The following EYS variants were observed in gnomAD, a reference collection of about 807,000 sequenced individuals.
The protein encoded by EYS is EGF-like photoreceptor maintenance factor.
In EYS, 250 loss-of-function variants were observed where a neutral mutation model predicts 282.1. The observed-to-expected ratio is 0.89, with a 90% CI of 0.80 to 0.98. The LOEUF (loss-of-function observed/expected upper bound fraction) is 0.98, where lower values mean the gene tolerates loss of function less well. Ranked by LOEUF, EYS falls within the 50% of genes least tolerant of loss-of-function variation. The pLI, the probability that EYS is intolerant of heterozygous loss-of-function variation, is 0.00. For synonymous variants in EYS, 1,355 were observed against 1,282.9 expected (o/e 1.06, Z -1.20); for missense variants, 4,016 against 3,709.0 (o/e 1.08, Z -2.15).
intron 31 of EYS, among the ~76,000 whole-genome samples, chr6:64,132,083 T>C (rs1002014528): frequency 1.1e-4 from 16 of 152,288 alleles, no homozygotes; most frequent in African/African-American, 3.8e-4. Context: ...TCATTATAGT[T>C]GTCTTTCTCT....
intron 5 of EYS, among the ~76,000 whole-genome samples, chr6:65,407,812 C>G (rs183128667): frequency 2.0e-5 from 3 of 147,220 alleles, no homozygotes; most frequent in African/African-American, 7.6e-5. Context: ...CCTGGAACTT[C>G]CTATGTTCCA....
In EYS at chr6:64,421,831, A is replaced by C. The variant is rs1240781160; in HGVS notation, c.5927+14343T>G. Among the ~76,000 whole-genome samples, 4 of 151,690 alleles carry C rather than the reference A, an allele frequency of 2.6e-5. No individual in the cohort carries two copies. In the South Asian group the frequency reaches 6.3e-4, roughly 24 times the overall value. ...GAGCGAAGAAGAGAGAGAGAGCGAG[A>C]GAGAGAGAGCGCATTTTTTTGTTTG... On this transcript the variant is annotated intron_variant, in intron 28 of 42. Coordinates refer to ENST00000503581, the MANE Select transcript of EYS (RefSeq NM_001142800.2).
chr6:64,012,886 T>C (rs1283155795), intron 33 of EYS, among the ~76,000 whole-genome samples: 1 of 152,190 alleles, frequency 6.6e-6, no homozygotes, highest in Non-Finnish European at 1.5e-5. Context: ...GCTTAGATCG[T>C]CACAGAGTTG....
At chr6:64,121,156 C>A (rs1773576258) in intron 31 of EYS, among the ~76,000 whole-genome samples, 1 of 152,126 alleles carries the variant, frequency 6.6e-6, no homozygotes, top group Non-Finnish European at 1.5e-5. Context: ...CCTTCTCCCT[C>A]CAGTCAACTA....
chr6:63,756,187 A>C (rs1430432509), intron 41 of EYS, among the ~76,000 whole-genome samples: 1 of 152,116 alleles, frequency 6.6e-6, no homozygotes, highest in East Asian at 1.9e-4. Flanking sequence ...GGTGAGAGAG[A>C]GCATCCTTGT....
intron 12 of EYS, among the ~76,000 whole-genome samples, chr6:65,107,350 G>C (rs1775069506): frequency 6.7e-6 from 1 of 149,146 alleles, no homozygotes. Flanking sequence ...AGCTTTCCTC[G>C]AGGACTATTT....
At chr6:64,151,561 C>G (rs1220180841) in intron 31 of EYS, among the ~76,000 whole-genome samples, 1 of 151,106 alleles carries the variant, frequency 6.6e-6, no homozygotes, top group East Asian at 2.0e-4. Context: ...GGGGTTTCAC[C>G]ATGTTGGCGA....
intron 12 of EYS, among the ~76,000 whole-genome samples, chr6:65,221,336 G>T (rs1766458790): frequency 6.6e-6 from 1 of 152,132 alleles, no homozygotes; most frequent in African/African-American, 2.4e-5. Flanking sequence ...AGGAAAAAAT[G>T]GTTTTGTGTT....
intron 26 of EYS, among the ~76,000 whole-genome samples, chr6:64,541,636 T>C (rs1336327230): frequency 6.6e-6 from 1 of 152,210 alleles, no homozygotes; most frequent in African/African-American, 2.4e-5. Flanking sequence ...ATATTTGCTA[T>C]TCTTTCAACT....
chr6:65,177,506 C>G (rs771669223), intron 12 of EYS, among the ~76,000 whole-genome samples: 1 of 151,726 alleles, frequency 6.6e-6, no homozygotes, highest in Non-Finnish European at 1.5e-5. Context: ...TTTGTAAACA[C>G]GTTTAGCTAT....
intron 35 of EYS, among the ~76,000 whole-genome samples, chr6:63,871,675 A>G (rs1044927904): frequency 4.6e-5 from 7 of 152,204 alleles, no homozygotes; most frequent in Middle Eastern, 3.4e-3. Flanking sequence ...AAGAAAGAAA[A>G]AAAAAGAATG....
intron 30 of EYS, among the ~76,000 whole-genome samples, chr6:64,246,400 A>G (rs959273185): frequency 5.3e-5 from 8 of 152,174 alleles, no homozygotes; most frequent in Non-Finnish European, 8.8e-5. Context: ...CAGAATGCAT[A>G]TCTCCTAAAG....
chr6:64,562,540 T>C (rs1456615661), intron 26 of EYS, among the ~76,000 whole-genome samples: 1 of 151,888 alleles, frequency 6.6e-6, no homozygotes, highest in East Asian at 1.9e-4. Flanking sequence ...TAATGATGGT[T>C]GAGTGGAATT....
intron 23 of EYS, among the ~76,000 whole-genome samples, chr6:64,621,485 A>G (rs1011948920): frequency 7.9e-5 from 12 of 152,326 alleles, no homozygotes; most frequent in Admixed American, 2.6e-4. Flanking sequence ...AAAAAATTTT[A>G]CATGTACACC....
chr6:64,586,128 G>C (rs1766227410), intron 26 of EYS, among the ~76,000 whole-genome samples: 1 of 152,024 alleles, frequency 6.6e-6, no homozygotes, highest in Non-Finnish European at 1.5e-5. Context: ...GAGGTGTTTA[G>C]ACCATGAAGT....
At chr6:64,648,241 C>G (rs1440403212) in intron 22 of EYS, among the ~76,000 whole-genome samples, 1 of 152,138 alleles carries the variant, frequency 6.6e-6, no homozygotes, top group Non-Finnish European at 1.5e-5. Flanking sequence ...TCCCCCTGGT[C>G]TTACTAGTTT....
chr6:63,752,174 C>A (rs1304597810), intron 41 of EYS, among the ~76,000 whole-genome samples: 1 of 152,100 alleles, frequency 6.6e-6, no homozygotes, highest in Non-Finnish European at 1.5e-5. Flanking sequence ...AACTAGGATA[C>A]CTGGACTTCT....
chr6:63,784,240 T>A (rs765499900), intron 39 of EYS, among the ~76,000 whole-genome samples: 2 of 152,170 alleles, frequency 1.3e-5, no homozygotes, highest in Non-Finnish European at 2.9e-5. Context: ...TCCATAATCA[T>A]GTGACCCAAT....
At chr6:65,564,037 T>A (rs1010684312) in intron 2 of EYS, among the ~76,000 whole-genome samples, 2 of 151,638 alleles carry the variant, frequency 1.3e-5, no homozygotes, top group Non-Finnish European at 2.9e-5. Flanking sequence ...ACAAAGAGAA[T>A]AAAAATACCT....
Sources: gnomAD v4.1 joint callset for allele counts (sites outside exome capture counted in the v4.1 genomes callset) on GRCh38, gnomAD v4.1.1 for gene constraint, MANE v1.5 for transcripts, NCBI Gene and HGNC (gene_info 2026-07-23, HGNC 2026-07-21) for gene names.